GALNT13: variants seen among roughly 807,000 people sequenced by gnomAD.
The protein encoded by GALNT13 is polypeptide N-acetylgalactosaminyltransferase 13.
GALNT13 carries 28 observed loss-of-function variants against 64.2 expected under a neutral mutation model. The observed-to-expected ratio is 0.44, with a 90% CI of 0.32 to 0.60. GALNT13 has a LOEUF of 0.60. Among genes scored for constraint, GALNT13 ranks in the 20% least tolerant of loss-of-function variants. GALNT13 has a pLI of 0.05. For synonymous variants in GALNT13, 214 were observed against 224.6 expected (o/e 0.95, Z 0.42); for missense variants, 577 against 669.8 (o/e 0.86, Z 1.53).
chr2:153,359,629 G>GAAAAAAA, the GALNT13 span, among the ~76,000 whole-genome samples: 3 of 8,924 alleles, frequency 3.4e-4, no homozygotes, highest in Middle Eastern at 0.062. Flanking sequence ...CCAGCTTTCA[G>GAAAAAAA]CAAAAAAAAA....
At chr2:153,757,229 C>T in the GALNT13 span, among the ~76,000 whole-genome samples, 47 of 152,194 alleles carry the variant, frequency 3.1e-4, no homozygotes, top group South Asian at 2.9e-3. Context: ...TGCTTTCTTC[C>T]GTGTTAGCTT....
chr2:154,220,261 A>C (rs1221907586), intron 4 of GALNT13, among the ~76,000 whole-genome samples: 3 of 152,092 alleles, frequency 2.0e-5, no homozygotes, highest in African/African-American at 7.2e-5. Flanking sequence ...TAAATGAAAT[A>C]TTTGGATGTG....
intron 11 of GALNT13, among the ~76,000 whole-genome samples, chr2:154,417,415 A>G (rs774991268): frequency 2.6e-5 from 4 of 151,658 alleles, no homozygotes; most frequent in Non-Finnish European, 5.9e-5. Flanking sequence ...CTTGTAAAAA[A>G]TTGTTATTGT....
chr2:154,301,646 T>A (rs980027827), intron 9 of GALNT13, 57 bp downstream of exon 9: 21 of 1,092,470 alleles, frequency 1.9e-5, no homozygotes, highest in Non-Finnish European at 2.6e-5. Flanking sequence ...TGAAACATAC[T>A]GAATATGTGT....
chr2:153,167,353 G>T, the GALNT13 span, among the ~76,000 whole-genome samples: 1 of 152,308 alleles, frequency 6.6e-6, no homozygotes, highest in Middle Eastern at 3.4e-3. Flanking sequence ...TTGAGGTTAG[G>T]CATATTTTTC....
chr2:153,527,401 G>A, the GALNT13 span, among the ~76,000 whole-genome samples: 20 of 152,018 alleles, frequency 1.3e-4, no homozygotes, highest in African/African-American at 4.1e-4. Context: ...TTTAAAGTGC[G>A]GAAGGAAAAA....
chr2:154,281,884 A>G (rs1342176506), intron 8 of GALNT13, among the ~76,000 whole-genome samples: 1 of 152,068 alleles, frequency 6.6e-6, no homozygotes, highest in Admixed American at 6.6e-5. Flanking sequence ...AGCAAAAGAT[A>G]AAGTATGATT....
intron 2 of GALNT13, among the ~76,000 whole-genome samples, chr2:153,905,822 AT>A (rs750549141): frequency 6.6e-6 from 1 of 151,946 alleles, no homozygotes; most frequent in Non-Finnish European, 1.5e-5. Flanking sequence ...CAGTCTTGTA[AT>A]TTGGGTCCAT....
chr2:153,086,713 A>ATTTATTTTATTTTATTTTATTTAT, the GALNT13 span, among the ~76,000 whole-genome samples: 1 of 149,638 alleles, frequency 6.7e-6, no homozygotes, highest in African/African-American at 2.5e-5. Context: ...ATTTTATTTT[A>ATTTATTTTATTTTATTTTATTTAT]TTTATTTTAT....
the GALNT13 span, among the ~76,000 whole-genome samples, chr2:153,802,183 A>G: frequency 6.6e-6 from 1 of 152,206 alleles, no homozygotes; most frequent in Non-Finnish European, 1.5e-5. Flanking sequence ...AATAGTTATT[A>G]AAATATCTTT....
At chr2:154,395,821 A>G (rs955374845) in intron 9 of GALNT13, among the ~76,000 whole-genome samples, 170 bp from the exon 10 acceptor site, 3 of 152,188 alleles carry the variant, frequency 2.0e-5, no homozygotes, top group African/African-American at 7.2e-5. Context: ...ATTTATATCT[A>G]TTTAATGTAC....
At chr2:154,144,906 A>G (rs1418937388) in intron 4 of GALNT13, among the ~76,000 whole-genome samples, 1 of 151,662 alleles carries the variant, frequency 6.6e-6, no homozygotes, top group African/African-American at 2.4e-5. Context: ...ACACATTTGT[A>G]TGTAATCCTA....
intron 4 of GALNT13, among the ~76,000 whole-genome samples, chr2:154,151,614 C>T (rs1264880142): frequency 1.3e-5 from 2 of 152,148 alleles, no homozygotes; most frequent in African/African-American, 4.8e-5. Context: ...CTGGGTGCTC[C>T]TGTATTGGGT....
At chr2:153,484,846 ACTGGTTT>A in the GALNT13 span, among the ~76,000 whole-genome samples, 9 of 152,290 alleles carry the variant, frequency 5.9e-5, no homozygotes, top group East Asian at 1.5e-3. Flanking sequence ...ATGGGGGATA[ACTGGTTT>A]CTGCCTCCTA....
intron 3 of GALNT13, among the ~76,000 whole-genome samples, chr2:153,989,195 T>C (rs1180449598): frequency 6.6e-6 from 1 of 152,008 alleles, no homozygotes; most frequent in Non-Finnish European, 1.5e-5. Context: ...TTTAATCTTG[T>C]TAAACATGCA....
chr2:153,424,953 C>G, the GALNT13 span, among the ~76,000 whole-genome samples: 3 of 151,716 alleles, frequency 2.0e-5, no homozygotes, highest in African/African-American at 7.2e-5. Context: ...TCATGTCTAC[C>G]TACATCACCA....
At chr2:153,069,713 A>G in the GALNT13 span, among the ~76,000 whole-genome samples, 2 of 152,182 alleles carry the variant, frequency 1.3e-5, no homozygotes, top group African/African-American at 4.8e-5. Context: ...GTGATGTCCT[A>G]CAAATAGCAC....
the GALNT13 span, among the ~76,000 whole-genome samples, chr2:153,335,562 G>T: frequency 6.6e-6 from 1 of 152,202 alleles, no homozygotes; most frequent in Non-Finnish European, 1.5e-5. Flanking sequence ...GATGATTTAG[G>T]ATATCTGGTG....
chr2:154,358,104 C>T (rs1696851793), intron 9 of GALNT13, among the ~76,000 whole-genome samples: 1 of 151,954 alleles, frequency 6.6e-6, no homozygotes, highest in Non-Finnish European at 1.5e-5. Flanking sequence ...TCTTGAAATT[C>T]TCATCTGATT....
Sources: gnomAD v4.1 joint callset for allele counts (sites outside exome capture counted in the v4.1 genomes callset) on GRCh38, gnomAD v4.1.1 for gene constraint, MANE v1.5 for transcripts, NCBI Gene and HGNC (gene_info 2026-07-23, HGNC 2026-07-21) for gene names.